GTF2I: variants seen among roughly 807,000 people sequenced by gnomAD.
GTF2I encodes the protein general transcription factor IIi.
Under a neutral mutation model 67.6 loss-of-function variants are expected in GTF2I, and 12 were observed. The ratio of observed to expected loss-of-function variants is 0.18; its 90% CI spans 0.11 to 0.29. The LOEUF (loss-of-function observed/expected upper bound fraction) is 0.29, where lower values mean the gene tolerates loss of function less well. Ranked by LOEUF, GTF2I falls within the 10% of genes least tolerant of loss-of-function variation. The pLI, the probability that GTF2I is intolerant of heterozygous loss-of-function variation, is 1.00. For missense variants in GTF2I, 271 were observed against 580.1 expected (o/e 0.47, Z 5.47); for synonymous variants, 149 against 197.0 (o/e 0.76, Z 2.04).
chr7:74,694,574 T>A (rs1222517914), intron 3 of GTF2I, among the ~76,000 whole-genome samples: 1 of 151,870 alleles, frequency 6.6e-6, no homozygotes, highest in Non-Finnish European at 1.5e-5. Flanking sequence ...ACTCTTGAGA[T>A]CTGTCTCAAA....
intron 6 of GTF2I, among the ~76,000 whole-genome samples, chr7:74,703,677 G>A (rs1233932419): frequency 6.6e-6 from 1 of 152,200 alleles, no homozygotes; most frequent in Non-Finnish European, 1.5e-5. Context: ...ACTGCGCCTG[G>A]CCCTCACTTA....
At chr7:74,662,569 C>CGGGAGTGTA (rs1441367604) in intron 1 of GTF2I, among the ~76,000 whole-genome samples, 1 of 133,176 alleles carries the variant, frequency 7.5e-6, no homozygotes, top group Non-Finnish European at 1.5e-5. Flanking sequence ...ATCGCCCAGG[C>CGGGAGTGTA]GGGAGTGTAG....
At chr7:74,680,291 G>C (rs948925565) in intron 1 of GTF2I, among the ~76,000 whole-genome samples, 25 of 151,080 alleles carry the variant, frequency 1.7e-4, no homozygotes, top group Non-Finnish European at 3.5e-4. Flanking sequence ...TTGCCAGTCT[G>C]ACTGGAACCT....
intron 7 of GTF2I, 28 bp from the exon 8 acceptor site, chr7:74,706,362 C>G: frequency 6.2e-7 from 1 of 1,609,324 alleles, no homozygotes; most frequent in Non-Finnish European, 8.5e-7. Flanking sequence ...CAGCACGTGG[C>G]TTGATCAGGG....
At chr7:74,737,637 C>CG (rs1794913238) in intron 18 of GTF2I, among the ~76,000 whole-genome samples, 1 of 119,944 alleles carries the variant, frequency 8.3e-6, no homozygotes, top group Non-Finnish European at 1.8e-5. Flanking sequence ...CACTCATTGA[C>CG]GGGATGTGGA....
chr7:74,725,845 C>CT (rs782493121), intron 12 of GTF2I, among the ~76,000 whole-genome samples: 1,989 of 139,858 alleles, frequency 0.014, 28 homozygotes, highest in Middle Eastern at 0.022. Context: ...TTTTCTCTTT[C>CT]TTTTTTTTTT....
At chr7:74,724,446 A>G (rs1332497823) in intron 12 of GTF2I, among the ~76,000 whole-genome samples, 1 of 152,218 alleles carries the variant, frequency 6.6e-6, no homozygotes, top group Non-Finnish European at 1.5e-5. Flanking sequence ...AAACAGCTTT[A>G]GCTCTGAAGC....
Position 74,657,759 on chromosome 7 carries a change from G to GC in GTF2I, c.-308dup, listed in dbSNP as rs1219396231. On this transcript the variant is annotated 5_prime_UTR_variant, in exon 1 of 35. Transcript: ENST00000573035. ...GAGCAGAGAAAAGGGGCCACCGGTC[G>GC]CCCCCCCGCTTCCCCGCACGCGCTC... The GC allele has an allele frequency of 1.4e-5, 2 of 147,334 alleles. No homozygotes were observed. The highest frequency in any genetic ancestry group is 3.0e-5 in the Non-Finnish European group (2 of 66,922). 9.1% of individuals were successfully genotyped at this position (147,334 alleles called of 1,614,324 possible).
At chr7:74,683,725 C>T (rs1787451430) in intron 1 of GTF2I, among the ~76,000 whole-genome samples, 2 of 151,888 alleles carry the variant, frequency 1.3e-5, no homozygotes, top group African/African-American at 4.8e-5. Context: ...TGGTGGCGGG[C>T]GCCTGTCATC....
intron 1 of GTF2I, among the ~76,000 whole-genome samples, chr7:74,678,854 C>T (rs781918441): frequency 6.8e-4 from 104 of 152,038 alleles, no homozygotes; most frequent in Non-Finnish European, 1.3e-3. Flanking sequence ...TCACTGCAAC[C>T]TCCGCCTCCC....
chr7:74,700,463 A>C (rs782469389), intron 5 of GTF2I, 33 bp downstream of exon 5: 2 of 1,610,366 alleles, frequency 1.2e-6, no homozygotes, highest in Non-Finnish European at 1.7e-6. Context: ...ACCCATCAAC[A>C]GTTGATTCGT....
intron 1 of GTF2I, among the ~76,000 whole-genome samples, chr7:74,681,903 T>G (rs1184332209): frequency 6.7e-6 from 1 of 150,186 alleles, no homozygotes; most frequent in Non-Finnish European, 1.5e-5. Context: ...TAAGTGAGAC[T>G]CCGTCTCAAA....
chr7:74,716,234 T>C (rs587720417), intron 10 of GTF2I, among the ~76,000 whole-genome samples: 1 of 152,248 alleles, frequency 6.6e-6, no homozygotes, highest in African/African-American at 2.4e-5. Context: ...AAACTTCTGC[T>C]CTAGTAGGAT....
At chr7:74,708,075 G>T (rs1554401875) in intron 8 of GTF2I, among the ~76,000 whole-genome samples, 1 of 152,066 alleles carries the variant, frequency 6.6e-6, no homozygotes, top group African/African-American at 2.4e-5. Flanking sequence ...TGAGGCGAGT[G>T]GATCACCTGA....
At chr7:74,718,999 C>A in intron 12 of GTF2I, 58 bp downstream of exon 12, 1 of 812,778 alleles carries the variant, frequency 1.2e-6, no homozygotes, top group South Asian at 1.7e-5. Context: ...AAATACTTGT[C>A]ACATTCACAT....
At chr7:74,695,138 AG>A (rs1788761809) in intron 3 of GTF2I, among the ~76,000 whole-genome samples, 1 of 152,090 alleles carries the variant, frequency 6.6e-6, no homozygotes, top group Admixed American at 6.6e-5. Flanking sequence ...TTTTTTATTT[AG>A]TTTTTTTTGA....
chr7:74,660,310 C>T (rs1804360397), intron 1 of GTF2I, among the ~76,000 whole-genome samples: 1 of 151,380 alleles, frequency 6.6e-6, no homozygotes, highest in Non-Finnish European at 1.5e-5. Flanking sequence ...CTGCCTCAGT[C>T]TCCCCCGAGT....
chr7:74,668,416 A>G (rs1805178815), intron 1 of GTF2I, among the ~76,000 whole-genome samples: 1 of 151,632 alleles, frequency 6.6e-6, no homozygotes, highest in African/African-American at 2.4e-5. Context: ...CATGATGAAG[A>G]GTTTGATCCA....
chr7:74,668,761 A>G (rs1287399552), intron 1 of GTF2I, among the ~76,000 whole-genome samples: 1 of 151,556 alleles, frequency 6.6e-6, no homozygotes, highest in Non-Finnish European at 1.5e-5. Flanking sequence ...TTTAGAAAAG[A>G]TGGGGTTTCA....
Sources: gnomAD v4.1 joint callset for allele counts (sites outside exome capture counted in the v4.1 genomes callset) on GRCh38, gnomAD v4.1.1 for gene constraint, MANE v1.5 for transcripts, NCBI Gene and HGNC (gene_info 2026-07-23, HGNC 2026-07-21) for gene names.